Variants in GALNT13 observed in about 807,000 individuals in gnomAD.
GALNT13 encodes the protein UDP-GalNAc:polypeptide N-acetylgalactosaminyltransferase 13.
A neutral mutation model predicts 64.2 loss-of-function variants in GALNT13; 28 were observed. That is an observed-to-expected ratio of 0.44 (90% CI 0.32 to 0.60). The LOEUF is 0.60. Among genes scored for constraint, GALNT13 ranks in the 20% least tolerant of loss-of-function variants. The pLI is 0.05. For missense variants in GALNT13, 577 were observed against 669.8 expected (o/e 0.86, Z 1.53); for synonymous variants, 214 against 224.6 (o/e 0.95, Z 0.42).
At chr2:153,198,952 G>A in the GALNT13 span, among the ~76,000 whole-genome samples, 4 of 152,122 alleles carry the variant, frequency 2.6e-5, no homozygotes, top group East Asian at 3.9e-4. Context: ...TGCTCTTTTA[G>A]TGCCTGGGAC....
intron 2 of GALNT13, among the ~76,000 whole-genome samples, chr2:153,903,730 C>T (rs547920937): frequency 6.6e-6 from 1 of 152,014 alleles, no homozygotes; most frequent in African/African-American, 2.4e-5. Flanking sequence ...TCTCAGGTAA[C>T]AGTTTTCTAT....
the GALNT13 span, among the ~76,000 whole-genome samples, chr2:153,109,617 T>A: frequency 6.6e-6 from 1 of 152,266 alleles, no homozygotes; most frequent in South Asian, 2.1e-4. Context: ...GTAACATACC[T>A]GCATGACTGA....
At chr2:154,270,374 T>G (rs1691288390) in intron 8 of GALNT13, among the ~76,000 whole-genome samples, 1 of 151,972 alleles carries the variant, frequency 6.6e-6, no homozygotes, top group Non-Finnish European at 1.5e-5. Flanking sequence ...TAATCTCTGG[T>G]TCTCTTTTAT....
At chr2:153,875,827 A>G (rs1391718558) in intron 1 of GALNT13, among the ~76,000 whole-genome samples, 1 of 152,208 alleles carries the variant, frequency 6.6e-6, no homozygotes, top group Non-Finnish European at 1.5e-5. Flanking sequence ...AAAAATGGAC[A>G]CTTCATATAG....
the GALNT13 span, among the ~76,000 whole-genome samples, chr2:153,723,151 A>AT: frequency 7.4e-6 from 1 of 134,944 alleles, no homozygotes; most frequent in Admixed American, 7.5e-5. Flanking sequence ...GGTTCAATAT[A>AT]CGCAAATCAA....
the GALNT13 span, among the ~76,000 whole-genome samples, chr2:153,327,669 T>C: frequency 6.6e-6 from 1 of 152,008 alleles, no homozygotes; most frequent in Non-Finnish European, 1.5e-5. Context: ...TTCTCTAAAC[T>C]GGTTATTCCA....
At chr2:153,279,322 C>T in the GALNT13 span, among the ~76,000 whole-genome samples, 254 of 152,218 alleles carry the variant, frequency 1.7e-3, 4 homozygotes, top group African/African-American at 5.8e-3. Context: ...GTTCCACTCT[C>T]CTTTTTCTAT....
chr2:153,807,774 G>A, the GALNT13 span, among the ~76,000 whole-genome samples: 1 of 152,002 alleles, frequency 6.6e-6, no homozygotes, highest in African/African-American at 2.4e-5. Flanking sequence ...GAGACGCTGG[G>A]ATTATTGTCT....
the GALNT13 span, among the ~76,000 whole-genome samples, chr2:153,817,531 T>C: frequency 6.6e-6 from 1 of 152,140 alleles, no homozygotes; most frequent in African/African-American, 2.4e-5. Flanking sequence ...TTATCCCTGA[T>C]GTTTCCTCTT....
the GALNT13 span, among the ~76,000 whole-genome samples, chr2:153,804,505 G>A: frequency 1.3e-5 from 2 of 152,126 alleles, no homozygotes; most frequent in Non-Finnish European, 2.9e-5. Flanking sequence ...GGGAATGAGT[G>A]AAAGGTGACA....
chr2:154,027,893 T>C (rs774190839), intron 3 of GALNT13, among the ~76,000 whole-genome samples: 4 of 152,192 alleles, frequency 2.6e-5, no homozygotes, highest in African/African-American at 4.8e-5. Context: ...TGTAAAAATG[T>C]ATCTCATATA....
intron 8 of GALNT13, among the ~76,000 whole-genome samples, chr2:154,265,085 T>G (rs1354917105): frequency 6.6e-6 from 1 of 151,654 alleles, no homozygotes; most frequent in Non-Finnish European, 1.5e-5. Flanking sequence ...TGACACAAAT[T>G]ATCAATTTTG....
At chr2:153,800,864 T>A in the GALNT13 span, among the ~76,000 whole-genome samples, 1 of 152,180 alleles carries the variant, frequency 6.6e-6, no homozygotes, top group Non-Finnish European at 1.5e-5. Flanking sequence ...AGCTATTACT[T>A]CCACATTGAA....
At chr2:154,009,671 G>A (rs1047362032) in intron 3 of GALNT13, among the ~76,000 whole-genome samples, 2 of 151,992 alleles carry the variant, frequency 1.3e-5, no homozygotes, top group Non-Finnish European at 2.9e-5. Flanking sequence ...TATAGTTTTA[G>A]TAGAGAGGGG....
the GALNT13 span, among the ~76,000 whole-genome samples, chr2:153,537,708 G>C: frequency 2.0e-5 from 3 of 152,066 alleles, no homozygotes; most frequent in East Asian, 1.9e-4. Flanking sequence ...TTGTGATAGC[G>C]AGTGGATTCT....
At chr2:153,666,014 C>T in the GALNT13 span, among the ~76,000 whole-genome samples, 3 of 152,106 alleles carry the variant, frequency 2.0e-5, no homozygotes, top group Admixed American at 2.0e-4. Flanking sequence ...GCATGGCTGT[C>T]TTGCCCATGG....
the GALNT13 span, among the ~76,000 whole-genome samples, chr2:153,583,180 A>C: frequency 1.2e-4 from 19 of 152,308 alleles, no homozygotes; most frequent in South Asian, 3.9e-3. Context: ...AGCATTACTT[A>C]AGCTGAGATG....
the GALNT13 span, among the ~76,000 whole-genome samples, chr2:153,806,825 A>G: frequency 6.6e-6 from 1 of 152,108 alleles, no homozygotes; most frequent in African/African-American, 2.4e-5. Flanking sequence ...ATAGAAGGGA[A>G]CCTGTAGATG....
At chr2:153,675,454 A>G in the GALNT13 span, among the ~76,000 whole-genome samples, 1 of 152,182 alleles carries the variant, frequency 6.6e-6, no homozygotes, top group Non-Finnish European at 1.5e-5. Context: ...ACAGAAAACC[A>G]AACACCGCAT....
Sources: gnomAD v4.1 joint callset for allele counts (sites outside exome capture counted in the v4.1 genomes callset) on GRCh38, gnomAD v4.1.1 for gene constraint, MANE v1.5 for transcripts, NCBI Gene and HGNC (gene_info 2026-07-23, HGNC 2026-07-21) for gene names.